Variants in ZFHX3 observed in about 807,000 individuals in gnomAD.
ZFHX3 encodes the protein zinc finger homeobox 3, also known as zinc finger homeobox protein 3.
Under a neutral mutation model 279.1 loss-of-function variants are expected in ZFHX3, and 42 were observed. The observed-to-expected ratio is 0.15, with a 90% confidence interval of 0.12 to 0.19. ZFHX3 has a LOEUF of 0.19. Among genes scored for constraint, ZFHX3 ranks in the 10% least tolerant of loss-of-function variants. The pLI, the probability that ZFHX3 is intolerant of heterozygous loss-of-function variation, is 1.00. For missense variants in ZFHX3, 4,981 were observed against 4,754.0 expected (o/e 1.05, Z -1.40); for synonymous variants, 2,293 against 1,957.8 (o/e 1.17, Z -4.52).
chr16:73,555,334 T>C (rs2020261744), intron 2 of ZFHX3, among the ~76,000 whole-genome samples: 1 of 151,984 alleles, frequency 6.6e-6, no homozygotes, highest in African/African-American at 2.4e-5. Context: ...TTTTGTATTT[T>C]TAGCAGAGAC....
chr16:73,727,607 C>G (rs1352039292), intron 1 of ZFHX3, among the ~76,000 whole-genome samples: 1 of 152,144 alleles, frequency 6.6e-6, no homozygotes, highest in African/African-American at 2.4e-5. Context: ...ATACGGGACT[C>G]ATTATGCATT....
At chr16:73,716,955 G>A (rs977766646) in intron 1 of ZFHX3, among the ~76,000 whole-genome samples, 4 of 151,922 alleles carry the variant, frequency 2.6e-5, no homozygotes, top group Non-Finnish European at 5.9e-5. Flanking sequence ...TAAGGGAAGC[G>A]ATGAAAATAA....
intron 1 of ZFHX3, among the ~76,000 whole-genome samples, chr16:72,992,797 T>C (rs570950209): frequency 1.3e-5 from 2 of 152,154 alleles, no homozygotes; most frequent in Non-Finnish European, 2.9e-5. Flanking sequence ...CGAAACTCAT[T>C]CCAGCCGCGG....
intron 5 of ZFHX3, among the ~76,000 whole-genome samples, chr16:73,185,008 G>A (rs559435627): frequency 4.4e-4 from 66 of 149,680 alleles, no homozygotes; most frequent in Non-Finnish European, 4.0e-4. Flanking sequence ...CTGAGACAGC[G>A]TCTCAGTCAC....
At chr16:73,098,390 T>C (rs9931191) in intron 7 of ZFHX3, among the ~76,000 whole-genome samples, 59,088 of 147,158 alleles carry the variant, frequency 0.4, 11,860 homozygotes, top group East Asian at 0.66. Context: ...GAGATGGAGT[T>C]TTGCTCTCTC....
chr16:73,114,705 AT>A (rs1238753844), intron 7 of ZFHX3, among the ~76,000 whole-genome samples: 13 of 152,222 alleles, frequency 8.5e-5, no homozygotes, highest in Admixed American at 3.3e-4. Context: ...AATAAAAAAA[AT>A]AAAATGGGAA....
chr16:73,617,479 A>G (rs530932613), intron 2 of ZFHX3, among the ~76,000 whole-genome samples: 3 of 152,258 alleles, frequency 2.0e-5, no homozygotes, highest in African/African-American at 7.2e-5. Flanking sequence ...ATATGATACA[A>G]TATACAAAAC....
At chr16:73,131,862 C>G (rs1010609516) in intron 6 of ZFHX3, among the ~76,000 whole-genome samples, 1 of 152,178 alleles carries the variant, frequency 6.6e-6, no homozygotes, top group African/African-American at 2.4e-5. Flanking sequence ...GATCAAAAAT[C>G]TTGGCTCACC....
chr16:72,995,364 T>C (rs1963247527), intron 1 of ZFHX3, among the ~76,000 whole-genome samples: 1 of 152,136 alleles, frequency 6.6e-6, no homozygotes, highest in African/African-American at 2.4e-5. Context: ...CACTCCATTA[T>C]GGCAACCCAG....
chr16:73,848,299 T>C (rs968840368), intron 1 of ZFHX3, among the ~76,000 whole-genome samples: 3 of 152,136 alleles, frequency 2.0e-5, no homozygotes, highest in South Asian at 2.1e-4. Context: ...AGGAGCTTCC[T>C]ATTTCCAGTC....
chr16:73,004,158 A>ATTTTTTTTT (rs1567627941), intron 1 of ZFHX3, among the ~76,000 whole-genome samples: 3 of 51,312 alleles, frequency 5.8e-5, no homozygotes, highest in Admixed American at 2.6e-4. Context: ...TAAAAACACG[A>ATTTTTTTTT]CTTTTTTTTT....
intron 3 of ZFHX3, among the ~76,000 whole-genome samples, chr16:73,351,421 G>A (rs889408921): frequency 2.0e-5 from 3 of 152,166 alleles, no homozygotes; most frequent in African/African-American, 7.2e-5. Context: ...GTCAGTTCAC[G>A]GCGGCCCCTG....
At chr16:73,615,215 G>A (rs945793498) in intron 2 of ZFHX3, among the ~76,000 whole-genome samples, 3 of 151,832 alleles carry the variant, frequency 2.0e-5, no homozygotes, top group African/African-American at 7.3e-5. Flanking sequence ...AAGGAGGAGG[G>A]AGGGGAAGGA....
At chr16:73,552,318 C>T (rs1054285275) in intron 2 of ZFHX3, among the ~76,000 whole-genome samples, 1 of 152,148 alleles carries the variant, frequency 6.6e-6, no homozygotes, top group Admixed American at 6.5e-5. Context: ...GAGAGAAATA[C>T]ATACCTATTA....
chr16:73,872,956 T>C (rs1385971183), intron 1 of ZFHX3, among the ~76,000 whole-genome samples: 1 of 1,180 alleles, frequency 8.5e-4, no homozygotes, highest in African/African-American at 6.4e-3. Flanking sequence ...TGGATGGTGG[T>C]GGGTGGTGGT....
chr16:73,380,126 A>G (rs1402870443), intron 3 of ZFHX3, among the ~76,000 whole-genome samples: 3 of 152,230 alleles, frequency 2.0e-5, no homozygotes, highest in African/African-American at 7.2e-5. Context: ...TGAAGGTATA[A>G]AACAGAATGG....
intron 2 of ZFHX3, among the ~76,000 whole-genome samples, chr16:73,533,983 A>C (rs536829258): frequency 3.9e-4 from 60 of 152,216 alleles, no homozygotes; most frequent in Non-Finnish European, 6.8e-4. Context: ...TCTCAACCCA[A>C]AAGCCAGAGA....
At chr16:73,122,748 C>T (rs751390613) in intron 7 of ZFHX3, among the ~76,000 whole-genome samples, 5 of 152,072 alleles carry the variant, frequency 3.3e-5, no homozygotes, top group African/African-American at 1.2e-4. Context: ...AAAGAAAACA[C>T]GAAGTGAGGA....
At chr16:73,287,105 TGTGA>T (rs1215416535) in intron 4 of ZFHX3, among the ~76,000 whole-genome samples, 4 of 143,178 alleles carry the variant, frequency 2.8e-5, no homozygotes, top group East Asian at 4.3e-4. Flanking sequence ...TGTGTGGCTG[TGTGA>T]GTGTGGGTCA....
Sources: gnomAD v4.1 joint callset for allele counts (sites outside exome capture counted in the v4.1 genomes callset) on GRCh38, gnomAD v4.1.1 for gene constraint, MANE v1.5 for transcripts, NCBI Gene and HGNC (gene_info 2026-07-23, HGNC 2026-07-21) for gene names.